STPG2: variants seen among roughly 807,000 people sequenced by gnomAD.
The protein encoded by STPG2 is sperm tail PG-rich repeat containing 2.
A neutral mutation model predicts 54.2 loss-of-function variants in STPG2; 56 were observed. The observed-to-expected ratio is 1.03, with a 90% CI of 0.83 to 1.29. The LOEUF (loss-of-function observed/expected upper bound fraction) is 1.29. Ranked by LOEUF, STPG2 falls within the 50% of genes most tolerant of loss-of-function variation. The pLI is 0.00. For missense variants in STPG2, 596 were observed against 544.9 expected (o/e 1.09, Z -0.93); for synonymous variants, 200 against 181.8 (o/e 1.10, Z -0.81).
chr4:97,451,409 G>A (rs983229948), intron 4 of STPG2, among the ~76,000 whole-genome samples: 1 of 152,036 alleles, frequency 6.6e-6, no homozygotes, highest in African/African-American at 2.4e-5. Context: ...GAAGAGAGGA[G>A]AGGAGAGGAG....
At chr4:97,860,781 T>C (rs1729505248) in intron 8 of STPG2, among the ~76,000 whole-genome samples, 3 of 152,282 alleles carry the variant, frequency 2.0e-5, no homozygotes, top group Admixed American at 6.5e-5. Context: ...TTCTCTTCTC[T>C]GATTTCTCTG....
chr4:97,739,121 C>T (rs1725127518), intron 9 of STPG2, among the ~76,000 whole-genome samples: 1 of 151,992 alleles, frequency 6.6e-6, no homozygotes, highest in Non-Finnish European at 1.5e-5. Flanking sequence ...CTACTGGGTA[C>T]ATAATGAAAT....
At chr4:98,030,213 G>T (rs1214768288) in intron 5 of STPG2, among the ~76,000 whole-genome samples, 1 of 152,182 alleles carries the variant, frequency 6.6e-6, no homozygotes, top group Non-Finnish European at 1.5e-5. Flanking sequence ...GAAAGCAGCT[G>T]CAGTCTCTAT....
At chr4:98,024,491 T>C (rs942042220) in intron 5 of STPG2, among the ~76,000 whole-genome samples, 1 of 152,190 alleles carries the variant, frequency 6.6e-6, no homozygotes, top group African/African-American at 2.4e-5. Context: ...CGAAACACCA[T>C]TTCTCCCATT....
At chr4:97,975,159 T>C (rs72894836) in intron 6 of STPG2, among the ~76,000 whole-genome samples, 6,054 of 152,240 alleles carry the variant, frequency 0.04, 393 homozygotes, top group African/African-American at 0.14. Flanking sequence ...CAAAGGAACA[T>C]GAAGAAACTT....
At chr4:98,089,073 T>C (rs1278838942) in intron 5 of STPG2, among the ~76,000 whole-genome samples, 1 of 152,060 alleles carries the variant, frequency 6.6e-6, no homozygotes, top group Non-Finnish European at 1.5e-5. Flanking sequence ...TTAATTTCAA[T>C]AGTTTTTGGA....
At chr4:97,817,211 A>C in intron 9 of STPG2, among the ~76,000 whole-genome samples, 1 of 149,852 alleles carries the variant, frequency 6.7e-6, no homozygotes, top group Admixed American at 6.7e-5. Flanking sequence ...GTGATTATAC[A>C]GTTGTTATGA....
At chr4:97,863,423 A>G (rs1187508046) in intron 8 of STPG2, among the ~76,000 whole-genome samples, 6 of 152,220 alleles carry the variant, frequency 3.9e-5, no homozygotes, top group Admixed American at 3.9e-4. Context: ...TGAATAGACC[A>G]ATAACAGGCT....
Position 97,947,319 on chromosome 4 carries a change from T to C in STPG2, c.934-3312A>G, listed in dbSNP as rs78360916. Among the ~76,000 whole-genome samples the C allele has an allele frequency of 8.4e-3, 1,279 of 152,262 alleles. 4 individuals carry two copies. Among genetic ancestry groups the C allele is most frequent in the Non-Finnish European group, 0.014 (983 of 67,982 alleles). ...AACACTTTTGAGAAATCTCTAGGGT[T>C]TTCTATGATATATAATCATATCATT... is the stretch of plus-strand genomic sequence containing the variant. On this transcript the variant is annotated intron_variant, in intron 7 of 10. Transcript: ENST00000295268.
chr4:97,530,908 C>T (rs1731399444), intron 4 of STPG2, among the ~76,000 whole-genome samples: 1 of 152,164 alleles, frequency 6.6e-6, no homozygotes. Flanking sequence ...AGTGCTCATA[C>T]ATGGAGGATG....
chr4:98,137,017 A>G (rs1740151842), intron 1 of STPG2, among the ~76,000 whole-genome samples: 1 of 151,798 alleles, frequency 6.6e-6, no homozygotes, highest in African/African-American at 2.4e-5. Flanking sequence ...TGATAGTGAA[A>G]TTAACTATAA....
At chr4:98,016,713 G>T (rs1347093684) in intron 5 of STPG2, among the ~76,000 whole-genome samples, 1 of 152,022 alleles carries the variant, frequency 6.6e-6, no homozygotes, top group Non-Finnish European at 1.5e-5. Context: ...AGCTCACTAA[G>T]CTTCTTTAAC....
chr4:97,536,886 C>A (rs1429900961), intron 4 of STPG2, among the ~76,000 whole-genome samples: 2 of 152,192 alleles, frequency 1.3e-5, no homozygotes, highest in African/African-American at 4.8e-5. Context: ...TGAAGGGTGT[C>A]CTTATTCAAC....
intron 10 of STPG2, among the ~76,000 whole-genome samples, chr4:97,608,576 G>A (rs1733651457): frequency 6.6e-6 from 1 of 151,996 alleles, no homozygotes; most frequent in Admixed American, 6.6e-5. Flanking sequence ...TGTAAACAGG[G>A]TAAAGCAACT....
At chr4:97,577,326 T>C (rs1317520110) in intron 10 of STPG2, among the ~76,000 whole-genome samples, 3 of 152,142 alleles carry the variant, frequency 2.0e-5, no homozygotes, top group East Asian at 1.9e-4. Flanking sequence ...AATAGCAATG[T>C]CATGGAATCA....
At chr4:97,998,051 C>T (rs1216937228) in intron 5 of STPG2, among the ~76,000 whole-genome samples, 1 of 152,144 alleles carries the variant, frequency 6.6e-6, no homozygotes, top group East Asian at 1.9e-4. Flanking sequence ...ACAATATCTT[C>T]TTTGACTAGA....
intron 10 of STPG2, among the ~76,000 whole-genome samples, chr4:97,692,458 G>A (rs1014564443): frequency 1.5e-4 from 23 of 152,148 alleles, no homozygotes; most frequent in African/African-American, 5.5e-4. Flanking sequence ...GATATTCAAA[G>A]ACAAGGCTTT....
chr4:98,123,732 T>C (rs1739750097), intron 3 of STPG2, among the ~76,000 whole-genome samples: 1 of 152,206 alleles, frequency 6.6e-6, no homozygotes, highest in African/African-American at 2.4e-5. Flanking sequence ...CTTCAGGTCC[T>C]GAATACCTTT....
intron 8 of STPG2, among the ~76,000 whole-genome samples, chr4:97,891,910 C>T (rs1481848903): frequency 6.6e-6 from 1 of 152,000 alleles, no homozygotes; most frequent in African/African-American, 2.4e-5. Context: ...ATTATGTCTA[C>T]CTTTTTCAGT....
Sources: gnomAD v4.1 joint callset for allele counts (sites outside exome capture counted in the v4.1 genomes callset) on GRCh38, gnomAD v4.1.1 for gene constraint, MANE v1.5 for transcripts, NCBI Gene and HGNC (gene_info 2026-07-23, HGNC 2026-07-21) for gene names.